The following SYNPR variants were observed in gnomAD, a reference collection of about 807,000 sequenced individuals.
SYNPR encodes the protein synaptoporin.
SYNPR carries 23 observed loss-of-function variants against 32.9 expected under a neutral mutation model. The observed-to-expected ratio is 0.70, with a 90% CI of 0.50 to 0.99. SYNPR has a LOEUF of 0.99. SYNPR is among the 50% of genes least tolerant of loss of function. The pLI is 0.00. For synonymous variants in SYNPR, 146 were observed against 135.9 expected (o/e 1.07, Z -0.52); for missense variants, 318 against 349.3 (o/e 0.91, Z 0.71).
At chr3:63,304,487 C>T (rs1002063818) in intron 2 of SYNPR, among the ~76,000 whole-genome samples, 5 of 151,880 alleles carry the variant, frequency 3.3e-5, no homozygotes, top group African/African-American at 1.2e-4. Flanking sequence ...ATGGCATAAC[C>T]TACAAAGGAA....
chr3:63,542,768 T>A (rs1447808421), intron 3 of SYNPR, among the ~76,000 whole-genome samples: 1 of 152,102 alleles, frequency 6.6e-6, no homozygotes, highest in East Asian at 1.9e-4. Context: ...TTGCTTAGTG[T>A]GATGACTTGC....
intron 2 of SYNPR, among the ~76,000 whole-genome samples, chr3:63,285,637 T>C (rs911384732): frequency 1.3e-5 from 2 of 152,208 alleles, no homozygotes; most frequent in Non-Finnish European, 2.9e-5. Flanking sequence ...ATTCATCACT[T>C]AATGCTTTCC....
At chr3:63,432,183 C>T (rs1191278037) in intron 2 of SYNPR, among the ~76,000 whole-genome samples, 3 of 152,228 alleles carry the variant, frequency 2.0e-5, no homozygotes, top group Non-Finnish European at 2.9e-5. Context: ...GGCACCTGCT[C>T]ATGGATGCAT....
intron 2 of SYNPR, among the ~76,000 whole-genome samples, chr3:63,413,702 G>T (rs1417547700): frequency 2.0e-5 from 3 of 152,048 alleles, no homozygotes; most frequent in Non-Finnish European, 2.9e-5. Flanking sequence ...ATGAGCTATT[G>T]TTTTATTGTC....
chr3:63,435,347 G>T (rs1034647025), intron 2 of SYNPR, among the ~76,000 whole-genome samples: 1 of 152,202 alleles, frequency 6.6e-6, no homozygotes, highest in African/African-American at 2.4e-5. Flanking sequence ...CATGAACAGC[G>T]CTTAGGCTGA....
intron 1 of SYNPR, among the ~76,000 whole-genome samples, chr3:63,229,619 T>C (rs1027890510): frequency 1.3e-5 from 2 of 152,214 alleles, no homozygotes; most frequent in Non-Finnish European, 2.9e-5. Context: ...AAATGTCTTA[T>C]GCCTTTATCA....
chr3:63,335,474 G>A (rs1002050205), intron 2 of SYNPR, among the ~76,000 whole-genome samples: 1 of 151,850 alleles, frequency 6.6e-6, no homozygotes, highest in East Asian at 1.9e-4. Context: ...CACTGTACCT[G>A]AAAGTCCAGG....
At chr3:63,556,849 G>A in intron 4 of SYNPR, 108 bp downstream of exon 4, 1 of 1,046,192 alleles carries the variant, frequency 9.6e-7, no homozygotes, top group Admixed American at 3.0e-5. Flanking sequence ...GTGTTTGAAA[G>A]GAAATCACAT....
intron 3 of SYNPR, among the ~76,000 whole-genome samples, chr3:63,549,628 G>A (rs1702467158): frequency 1.3e-5 from 2 of 152,122 alleles, no homozygotes; most frequent in Admixed American, 1.3e-4. Flanking sequence ...AAAAATGTTG[G>A]TGGTTGTTAT....
chr3:63,244,903 A>G (rs535552219), intron 1 of SYNPR, among the ~76,000 whole-genome samples: 1 of 152,136 alleles, frequency 6.6e-6, no homozygotes, highest in Non-Finnish European at 1.5e-5. Context: ...CAGAAAATGT[A>G]CAGTTCACAT....
intron 2 of SYNPR, among the ~76,000 whole-genome samples, chr3:63,386,840 C>T (rs900567603): frequency 4.6e-5 from 7 of 152,320 alleles, no homozygotes; most frequent in East Asian, 1.9e-4. Context: ...ACAGAAAGCA[C>T]GCTGCCTCCC....
At chr3:63,486,629 A>G (rs1701160024) in intron 3 of SYNPR, among the ~76,000 whole-genome samples, 2 of 152,180 alleles carry the variant, frequency 1.3e-5, no homozygotes, top group Admixed American at 1.3e-4. Context: ...TACCATCTTT[A>G]AAGAAGATAG....
chr3:63,318,689 T>A (rs769129650), intron 2 of SYNPR, among the ~76,000 whole-genome samples: 183 of 152,080 alleles, frequency 1.2e-3, no homozygotes, highest in Non-Finnish European at 1.9e-3. Context: ...TTTCTTTGCA[T>A]TGGGCTTTGC....
chr3:63,328,524 T>C (rs1014218209), intron 2 of SYNPR, among the ~76,000 whole-genome samples: 1 of 152,166 alleles, frequency 6.6e-6, no homozygotes, highest in Admixed American at 6.5e-5. Flanking sequence ...TGACTCACAA[T>C]CATGTGTTTT....
At chr3:63,275,187 T>C (rs1427019426), upstream of SYNPR, among the ~76,000 whole-genome samples, 1 of 152,236 alleles carries the variant, frequency 6.6e-6, no homozygotes, top group Admixed American at 6.5e-5. Context: ...TAACCACTGA[T>C]AGTAATATTG....
chr3:63,556,353 T>C (rs1339233933), intron 3 of SYNPR, among the ~76,000 whole-genome samples, 190 bp from the exon 4 acceptor site: 1 of 152,238 alleles, frequency 6.6e-6, no homozygotes, highest in Non-Finnish European at 1.5e-5. Context: ...AGTTGAATGA[T>C]GATTAGCTGC....
intron 2 of SYNPR, among the ~76,000 whole-genome samples, chr3:63,456,312 T>C (rs1700480226): frequency 6.6e-6 from 1 of 152,082 alleles, no homozygotes; most frequent in Non-Finnish European, 1.5e-5. Context: ...TGTTGAATAA[T>C]TGACAATCAT....
intron 2 of SYNPR, among the ~76,000 whole-genome samples, chr3:63,449,695 T>C (rs535390069): frequency 6.6e-6 from 1 of 152,314 alleles, no homozygotes; most frequent in Admixed American, 6.5e-5. Flanking sequence ...GTTTTTAAGT[T>C]GCTTTCCCCG....
Position 63,378,097 on chromosome 3 carries a change from A to C in SYNPR, c.84+99355A>C, listed in dbSNP as rs1452827639. On this transcript the variant is annotated intron_variant, in intron 2 of 5. Coordinates refer to ENST00000478300, the MANE Select transcript of SYNPR (RefSeq NM_001130003.2). The stretch of plus-strand genomic sequence containing the variant: ...AATTCCATATGTATTTTTGTACATA[A>C]ATTATAGGTATTTAGTATAATAATG... Among the ~76,000 whole-genome samples, 5 of 152,060 alleles carry C rather than the reference A, an allele frequency of 3.3e-5. No homozygotes were observed. The East Asian group carries it at 9.7e-4, about 29-fold the overall frequency.
Sources: allele counts gnomAD v4.1 joint callset (sites outside exome capture counted in the v4.1 genomes callset), GRCh38; gene constraint gnomAD v4.1.1; transcripts MANE v1.5; gene names NCBI Gene and HGNC (gene_info 2026-07-23, HGNC 2026-07-21).